B3GALT5: variants seen among roughly 807,000 people sequenced by gnomAD.
B3GALT5 encodes UDP-Gal:betaGlcNAc beta 1,3-galactosyltransferase, polypeptide 5.
For missense variants in B3GALT5, 328 were observed against 396.6 expected, an observed-to-expected ratio of 0.83 and a Z score of 1.47; for synonymous variants, 156 against 158.6, an observed-to-expected ratio of 0.98 and a Z score of 0.12.
Position 39,659,734 on chromosome 21 carries a change from CT to C in B3GALT5, c.-160-6del, listed in dbSNP as rs56684550. The C allele has an allele frequency of 0.11, 64,544 of 608,738 alleles. 14 individuals are homozygous for C. Among genetic ancestry groups the C allele is most frequent in the Non-Finnish European group, 0.12 (57,565 of 489,368 alleles). 37.7% of individuals were successfully genotyped at this position (608,738 alleles called of 1,614,324 possible). ...AGGCACGAGTGATTTGAATGACACT[CT>C]TTTTTTTTTTTTCCTAGTGATTCCT... On this transcript the variant is annotated intron_variant, in intron 2 of 3. Transcript: ENST00000684187.
rs565469446 is a variant in B3GALT5, at chr21:39,668,164, C to G, written c.*6672C>G. 6.6e-6 allele frequency: 1 copy of G among 152,396 alleles called. No homozygotes were observed. Among genetic ancestry groups the G allele is most frequent in the East Asian group, 1.9e-4 (1 of 5,172 alleles). The allele number at this position is 152,396 out of a possible 1,614,324, so 9.4% of individuals were successfully genotyped here. A position where few individuals can be genotyped will look rare whatever the true frequency, so the allele number is the denominator to read the frequency against. ...GTAAATAGATCCAGAGACCAAGGCT[C>G]CATGTTATCCCCAGCACCGGGCTGA... On this transcript the variant is annotated 3_prime_UTR_variant, in exon 4 of 4. Transcript: ENST00000684187.
chr21:39,661,762 A>ATGGGTGT lies in B3GALT5; in HGVS notation c.*272_*278dup, dbSNP rs908608907. 6.7e-5 allele frequency: 22 copies of ATGGGTGT among 329,762 alleles called. No homozygotes were observed. Among genetic ancestry groups the ATGGGTGT allele is most frequent in the African/African-American group, 4.5e-4 (21 of 46,972 alleles). The allele number at this position is 329,762 out of a possible 1,614,324, so 20.4% of individuals were successfully genotyped here. On this transcript the variant is annotated 3_prime_UTR_variant, in exon 4 of 4. Coordinates refer to ENST00000684187, the MANE Select transcript of B3GALT5 (RefSeq NM_001356336.2). The surrounding 1 kb of genome is among the most constrained non-coding windows in gnomAD (Gnocchi z 4.7). ...TCAGGGGTCAGTATCCTATGACATGATGGGTGTTACCATCCTAATTTTACA... is the reference window on the plus strand; with the variant it reads ...TCAGGGGTCAGTATCCTATGACATGATGGGTGTTGGGTGTTACCATCCTAATTTTACA...
In B3GALT5 at chr21:39,661,053, A is replaced by C. The variant is rs150903728; in HGVS notation, c.494A>C (p.Tyr165Ser). Reference sequence around the variant, plus strand: ...TCAGACATGTTCATCAATGTTGACTATCTGACTGAACTGCTTCTGAAGAAA... The same window carrying C: ...TCAGACATGTTCATCAATGTTGACTCTCTGACTGAACTGCTTCTGAAGAAA... Reference protein sequence around the residue: ...TDSDMFINVDYLTELLLKKNR... With the variant: ...TDSDMFINVDSLTELLLKKNR... Residue 165 changes from tyrosine (Y) to serine (S), a missense_variant, in exon 4 of 4, where the codon TAT becomes TCT. Tyr to Ser is a moderately radical substitution (Grantham distance 144, BLOSUM62 -2). Transcript: ENST00000684187. This position sits in a 1 kb window ranked among gnomAD's most constrained non-coding sequence, Gnocchi z 4.7. The C allele has an allele frequency of 1.2e-6, 2 of 1,614,230 alleles. No homozygotes were observed. The highest frequency in any genetic ancestry group is 1.7e-6 in the Non-Finnish European group (2 of 1,180,044).
chr21:39,656,547 TTTC>T (rs1216130774), intron 2 of B3GALT5, among the ~76,000 whole-genome samples: 2 of 152,196 alleles, frequency 1.3e-5, no homozygotes, highest in Middle Eastern at 3.2e-3. Context: ...TTGCATACTC[TTTC>T]TGGCCTCATA....
At chr21:39,639,432 C>T (rs537661309) in intron 1 of B3GALT5, among the ~76,000 whole-genome samples, 1 of 103,566 alleles carries the variant, frequency 9.7e-6, no homozygotes, top group Non-Finnish European at 2.2e-5. Context: ...TTCTTTCTTT[C>T]TTTCTTTCTT....
intron 1 of B3GALT5, among the ~76,000 whole-genome samples, chr21:39,644,771 A>G (rs932228173): frequency 3.9e-5 from 6 of 152,176 alleles, no homozygotes; most frequent in Non-Finnish European, 7.3e-5. Flanking sequence ...GTGACCTTTT[A>G]AAAATGAGAG....
At chr21:39,659,199 T>A (rs372960815) in intron 2 of B3GALT5, among the ~76,000 whole-genome samples, 2 of 152,320 alleles carry the variant, frequency 1.3e-5, no homozygotes, top group East Asian at 3.9e-4. Flanking sequence ...TAGTGAGCTA[T>A]GATTGTGCTA....
intron 2 of B3GALT5, among the ~76,000 whole-genome samples, chr21:39,656,068 G>A (rs1049739351): frequency 6.6e-6 from 1 of 152,178 alleles, no homozygotes; most frequent in Non-Finnish European, 1.5e-5. Flanking sequence ...TAGAATGACC[G>A]CATGTTAAAA....
intron 2 of B3GALT5, among the ~76,000 whole-genome samples, chr21:39,658,265 G>A (rs189588629): frequency 1.3e-5 from 2 of 152,154 alleles, no homozygotes; most frequent in Admixed American, 6.5e-5. Flanking sequence ...TGCCAGTTGG[G>A]TTTGGCACCT....
chr21:39,652,910 G>A (rs1017954500), intron 2 of B3GALT5, among the ~76,000 whole-genome samples: 28 of 152,280 alleles, frequency 1.8e-4, no homozygotes, highest in African/African-American at 6.7e-4. Flanking sequence ...TACAGAACAT[G>A]TGTCTTTTTC....
intron 1 of B3GALT5, among the ~76,000 whole-genome samples, chr21:39,634,648 G>A (rs2079214419): frequency 6.6e-6 from 1 of 152,028 alleles, no homozygotes; most frequent in Non-Finnish European, 1.5e-5. Flanking sequence ...ATCCCTGCAG[G>A]GGCTGCAGGG....
chr21:39,654,016 C>T (rs2079418605), intron 2 of B3GALT5, among the ~76,000 whole-genome samples: 1 of 152,154 alleles, frequency 6.6e-6, no homozygotes, highest in Non-Finnish European at 1.5e-5. Flanking sequence ...CAATTATGAG[C>T]AATGCTGCTG....
intron 1 of B3GALT5, among the ~76,000 whole-genome samples, chr21:39,637,796 G>C (rs2079239361): frequency 6.6e-6 from 1 of 152,242 alleles, no homozygotes; most frequent in African/African-American, 2.4e-5. Context: ...CTTCTCTTAA[G>C]GTGTCAGTTT....
At chr21:39,634,381 C>G (rs1450472605) in intron 1 of B3GALT5, among the ~76,000 whole-genome samples, 1 of 152,118 alleles carries the variant, frequency 6.6e-6, no homozygotes. Flanking sequence ...GGTGGGAAAA[C>G]GTTGGGAGCT....
chr21:39,633,947 G>T (rs1403536977), intron 1 of B3GALT5, among the ~76,000 whole-genome samples: 1 of 152,136 alleles, frequency 6.6e-6, no homozygotes, highest in East Asian at 1.9e-4. Flanking sequence ...TAAGCATTGG[G>T]TGTTGGCGTC....
chr21:39,637,989 G>A (rs186155800), intron 1 of B3GALT5, among the ~76,000 whole-genome samples: 1 of 152,306 alleles, frequency 6.6e-6, no homozygotes, highest in Admixed American at 6.5e-5. Context: ...TCAGGGTGTT[G>A]CCTTTTGGGT....
intron 1 of B3GALT5, among the ~76,000 whole-genome samples, chr21:39,639,540 C>T (rs539770679): frequency 5.4e-5 from 8 of 149,416 alleles, no homozygotes; most frequent in South Asian, 2.1e-4. Context: ...AGTGCAGTGG[C>T]GCGATCTCTG....
intron 2 of B3GALT5, among the ~76,000 whole-genome samples, chr21:39,656,866 C>T (rs1294449113): frequency 6.6e-6 from 1 of 152,194 alleles, no homozygotes; most frequent in Non-Finnish European, 1.5e-5. Flanking sequence ...CTTACTTGTT[C>T]CACTTTAATT....
At chr21:39,658,568 T>G (rs1158492005) in intron 2 of B3GALT5, among the ~76,000 whole-genome samples, 1 of 149,032 alleles carries the variant, frequency 6.7e-6, no homozygotes, top group Admixed American at 6.7e-5. Context: ...ATCTTAGCCA[T>G]GCAAATAAAT....
Sources: allele counts gnomAD v4.1 joint callset (sites outside exome capture counted in the v4.1 genomes callset), GRCh38; gene constraint gnomAD v4.1.1; non-coding constraint Gnocchi (gnomAD v3.1); transcripts MANE v1.5; gene names NCBI Gene and HGNC (gene_info 2026-07-23, HGNC 2026-07-21).